Variants in WDR59 observed in about 807,000 individuals in gnomAD.
The protein encoded by WDR59 is GATOR2 complex protein WDR59.
Under a neutral mutation model 131.2 loss-of-function variants are expected in WDR59, and 100 were observed. The observed-to-expected ratio is 0.76, with a 90% confidence interval of 0.65 to 0.90. The LOEUF is 0.90. Among genes scored for constraint, WDR59 ranks in the 40% least tolerant of loss-of-function variants. The pLI is 0.00. For synonymous variants in WDR59, 601 were observed against 466.2 expected, an observed-to-expected ratio of 1.29 and a Z score of -3.72; for missense variants, 1,203 against 1,262.2, an observed-to-expected ratio of 0.95 and a Z score of 0.71.
At chr16:74,929,186 T>G (rs1334234482) in intron 8 of WDR59, among the ~76,000 whole-genome samples, 1 of 152,198 alleles carries the variant, frequency 6.6e-6, no homozygotes, top group African/African-American at 2.4e-5. Context: ...GCCATTCTCC[T>G]GCCTCAGCCT....
intron 2 of WDR59, among the ~76,000 whole-genome samples, chr16:74,959,884 C>T (rs368791152): frequency 4.1e-5 from 6 of 147,964 alleles, no homozygotes; most frequent in African/African-American, 1.5e-4. Context: ...AAGGAAACGG[C>T]GATAAATGCA....
intron 1 of WDR59, among the ~76,000 whole-genome samples, chr16:74,980,076 G>C (rs191501635): frequency 2.6e-5 from 4 of 151,678 alleles, no homozygotes; most frequent in Non-Finnish European, 5.9e-5. Context: ...AGCCAGGCTG[G>C]TCTCGACTCC....
chr16:74,945,430 T>C (rs1412378792), intron 6 of WDR59, among the ~76,000 whole-genome samples: 4 of 151,456 alleles, frequency 2.6e-5, no homozygotes, highest in African/African-American at 4.9e-5. Flanking sequence ...TGAGCTGAGA[T>C]CATGCCACTG....
At chr16:74,898,466 C>T (rs1220329382) in intron 18 of WDR59, among the ~76,000 whole-genome samples, 1 of 152,212 alleles carries the variant, frequency 6.6e-6, no homozygotes, top group Non-Finnish European at 1.5e-5. Context: ...CAAATTATTA[C>T]ATGATGAGCA....
intron 20 of WDR59, among the ~76,000 whole-genome samples, chr16:74,890,271 C>T (rs910731171): frequency 6.6e-6 from 1 of 152,226 alleles, no homozygotes; most frequent in Non-Finnish European, 1.5e-5. Flanking sequence ...CTGCCTCAGC[C>T]TCCCGAGTAT....
intron 2 of WDR59, among the ~76,000 whole-genome samples, chr16:74,964,258 A>C (rs562520447): frequency 6.6e-6 from 1 of 152,078 alleles, no homozygotes; most frequent in Non-Finnish European, 1.5e-5. Flanking sequence ...AGGCGCCTAT[A>C]ATCCCAGGTA....
At chr16:74,961,969 A>C (rs1259278296) in intron 2 of WDR59, among the ~76,000 whole-genome samples, 2 of 152,082 alleles carry the variant, frequency 1.3e-5, no homozygotes, top group East Asian at 3.8e-4. Flanking sequence ...TTTTTTTATA[A>C]GGTTTAAGGA....
At chr16:74,972,588 C>T (rs751404503) in intron 1 of WDR59, among the ~76,000 whole-genome samples, 2 of 151,922 alleles carry the variant, frequency 1.3e-5, no homozygotes, top group Non-Finnish European at 2.9e-5. Flanking sequence ...AATCTCAGCA[C>T]GATGGGAGGC....
intron 21 of WDR59, 90 bp downstream of exon 21, chr16:74,889,613 C>A: frequency 2.0e-6 from 2 of 992,054 alleles, no homozygotes; most frequent in Non-Finnish European, 3.1e-6. Context: ...CGGGCCTCTG[C>A]ACCTTTCTCT....
intron 17 of WDR59, among the ~76,000 whole-genome samples, chr16:74,907,585 G>A (rs141016043): frequency 1.3e-5 from 2 of 152,144 alleles, no homozygotes; most frequent in Admixed American, 6.5e-5. Flanking sequence ...AAATTACCCA[G>A]TCTTGGGCAA....
intron 18 of WDR59, 95 bp downstream of exon 18, chr16:74,903,852 G>A: frequency 7.1e-7 from 1 of 1,410,378 alleles, no homozygotes; most frequent in African/African-American, 1.4e-5. Flanking sequence ...AGGCTACAGG[G>A]TGATTACTAA....
At chr16:74,980,350 C>CT in intron 1 of WDR59, among the ~76,000 whole-genome samples, 1 of 149,430 alleles carries the variant, frequency 6.7e-6, no homozygotes, top group Admixed American at 6.7e-5. Flanking sequence ...TCTGAAAAAT[C>CT]TAAGTCTTTT....
Position 74,951,904 on chromosome 16 carries a change from G to A in WDR59, c.241-361C>T, listed in dbSNP as rs184153907. On this transcript the variant is annotated intron_variant, in intron 3 of 25. Coordinates refer to ENST00000262144, the MANE Select transcript of WDR59 (RefSeq NM_030581.4). ...TCCTCCCTCTGAAGGTCACACACTCGTCTCCCCAGCTGCTGGTACACTGGA... is the reference window on the plus strand; with the variant it reads ...TCCTCCCTCTGAAGGTCACACACTCATCTCCCCAGCTGCTGGTACACTGGA... 3.5e-3 allele frequency among the ~76,000 whole-genome samples: 532 copies of A among 151,960 alleles called. 3 individuals are homozygous for A. The highest frequency in any genetic ancestry group is 0.012 in the African/African-American group (497 of 41,462).
chr16:74,981,645 TATATATATATATATA>T (rs1270265227), intron 1 of WDR59, among the ~76,000 whole-genome samples: 977 of 13,138 alleles, frequency 0.074, 113 homozygotes, highest in African/African-American at 0.17. Context: ...TATATATATA[TATATATATATATATA>T]TTTTTTTTTT....
At chr16:74,920,372 G>A (rs774905679) in intron 10 of WDR59, among the ~76,000 whole-genome samples, 1 of 152,108 alleles carries the variant, frequency 6.6e-6, no homozygotes, top group African/African-American at 2.4e-5. Context: ...CTTAAGCTAT[G>A]ATGTTCAGTG....
intron 10 of WDR59, among the ~76,000 whole-genome samples, chr16:74,918,471 G>C (rs1966498623): frequency 6.6e-6 from 1 of 152,148 alleles, no homozygotes; most frequent in South Asian, 2.1e-4. Flanking sequence ...ACATATTTTT[G>C]CAAAACGGGT....
intron 2 of WDR59, chr16:74,959,594 T>A (rs1193361898): frequency 2.3e-6 from 1 of 430,386 alleles, no homozygotes; most frequent in African/African-American, 2.1e-5. Context: ...AGACCTTATC[T>A]GCATAAAGAA....
At chr16:74,930,125 T>C (rs1008363586) in intron 8 of WDR59, among the ~76,000 whole-genome samples, 9 of 152,152 alleles carry the variant, frequency 5.9e-5, no homozygotes, top group Admixed American at 1.3e-4. Context: ...GAGCCAGTAT[T>C]TGACAACACA....
At chr16:74,969,768 C>T (rs1442407707) in intron 1 of WDR59, among the ~76,000 whole-genome samples, 2 of 151,952 alleles carry the variant, frequency 1.3e-5, no homozygotes, top group African/African-American at 4.8e-5. Flanking sequence ...CCATGTTTCC[C>T]AGGCTGGTCT....
Sources: allele counts gnomAD v4.1 joint callset (sites outside exome capture counted in the v4.1 genomes callset), GRCh38; gene constraint gnomAD v4.1.1; transcripts MANE v1.5; gene names NCBI Gene and HGNC (gene_info 2026-07-23, HGNC 2026-07-21).